CYP2R1: variants seen among roughly 807,000 people sequenced by gnomAD.
The protein encoded by CYP2R1 is vitamin D 25-hydroxylase.
In CYP2R1, 40 loss-of-function variants were observed where a neutral mutation model predicts 45.7. The ratio of observed to expected loss-of-function variants is 0.87; its 90% CI spans 0.68 to 1.14. The LOEUF is 1.14. Among genes scored for constraint, CYP2R1 ranks in the 50% most tolerant of loss-of-function variants. The pLI, the probability that CYP2R1 is intolerant of heterozygous loss-of-function variation, is 0.00. For missense variants in CYP2R1, 605 were observed against 602.6 expected (o/e 1.00, Z -0.04); for synonymous variants, 234 against 219.3 (o/e 1.07, Z -0.59).
chr11:14,883,757 A>C (rs565900508), intron 2 of CYP2R1, among the ~76,000 whole-genome samples: 2 of 152,072 alleles, frequency 1.3e-5, no homozygotes, highest in African/African-American at 2.4e-5. Context: ...AACCTACAAA[A>C]TGGGAGAAAA....
chr11:14,885,443 A>T (rs1258915688), intron 2 of CYP2R1, among the ~76,000 whole-genome samples: 1 of 152,174 alleles, frequency 6.6e-6, no homozygotes, highest in Non-Finnish European at 1.5e-5. Context: ...CAAGTACTCA[A>T]GACTAGGTTC....
intron 2 of CYP2R1, 22 bp from the exon 3 acceptor site, chr11:14,880,790 T>C: frequency 1.3e-6 from 2 of 1,592,326 alleles, no homozygotes; most frequent in Non-Finnish European, 1.7e-6. Flanking sequence ...TATTAAAATA[T>C]TGTATAATTC....
At chr11:14,880,955 ACTC>A (rs1162704563) in intron 2 of CYP2R1, among the ~76,000 whole-genome samples, 187 bp from the exon 3 acceptor site, 1 of 151,894 alleles carries the variant, frequency 6.6e-6, no homozygotes, top group Non-Finnish European at 1.5e-5. Context: ...AAGTTTTTCT[ACTC>A]CTTATCTGTG....
chr11:14,887,777 T>C (rs1555015183), intron 1 of CYP2R1: 1 of 209,400 alleles, frequency 4.8e-6, no homozygotes, highest in East Asian at 1.8e-4. Flanking sequence ...CACTGACTCA[T>C]TATCTTCTTC....
chr11:14,884,474 C>T (rs1398687606), intron 2 of CYP2R1, among the ~76,000 whole-genome samples: 4 of 139,694 alleles, frequency 2.9e-5, no homozygotes, highest in South Asian at 4.4e-4. Flanking sequence ...TAGGTGGGAA[C>T]TGAACAATGA....
intron 2 of CYP2R1, among the ~76,000 whole-genome samples, chr11:14,884,684 T>C (rs1555013750): frequency 6.6e-6 from 1 of 151,574 alleles, no homozygotes; most frequent in African/African-American, 2.4e-5. Context: ...AGTATAATAA[T>C]AATTTAAAAA....
intron 1 of CYP2R1, 118 bp downstream of exon 1, chr11:14,891,863 C>T (rs1848870963): frequency 7.1e-7 from 1 of 1,409,644 alleles, no homozygotes; most frequent in Admixed American, 2.8e-5. Context: ...GGGCAGCCGG[C>T]ACACGGAGAG....
intron 2 of CYP2R1, among the ~76,000 whole-genome samples, chr11:14,883,479 A>G (rs1460680961): frequency 6.6e-6 from 1 of 152,080 alleles, no homozygotes; most frequent in Non-Finnish European, 1.5e-5. Context: ...CTGGCTAGCC[A>G]TATGTAGAAA....
chr11:14,889,287 T>C (rs957102318), intron 1 of CYP2R1, among the ~76,000 whole-genome samples: 25 of 152,044 alleles, frequency 1.6e-4, no homozygotes, highest in African/African-American at 6.0e-4. Context: ...GGAACAATAT[T>C]CTTCAACCTC....
chr11:14,892,325 G>T, upstream of CYP2R1: 2 of 967,330 alleles, frequency 2.1e-6, no homozygotes, highest in Non-Finnish European at 3.1e-6. Flanking sequence ...GTGGCCATTG[G>T]CTGACTGAGT....
intron 1 of CYP2R1, chr11:14,886,483 GGGAACC>G (rs1332411924): frequency 1.3e-5 from 2 of 154,550 alleles, no homozygotes; most frequent in African/African-American, 4.8e-5. Flanking sequence ...AGGGCTCTAA[GGGAACC>G]TAACCTTGGA....
At chr11:14,883,378 C>A (rs186051394) in intron 2 of CYP2R1, among the ~76,000 whole-genome samples, 1 of 152,054 alleles carries the variant, frequency 6.6e-6, no homozygotes, top group Non-Finnish European at 1.5e-5. Context: ...GAAATAATGC[C>A]GCATATCTAC....
chr11:14,881,761 A>G (rs1395254191), intron 2 of CYP2R1, among the ~76,000 whole-genome samples: 3 of 152,098 alleles, frequency 2.0e-5, no homozygotes, highest in Non-Finnish European at 4.4e-5. Flanking sequence ...GCCTTCTGCC[A>G]TGATTGTGAG....
In CYP2R1 at chr11:14,880,631, T is replaced by G; in HGVS notation, c.505A>C (p.Ile169Leu). The change falls in exon 3 of 5, where the codon ATT becomes CTT. Residue 169 changes from isoleucine to leucine, a missense_variant. Transcript: ENST00000334636. The part of the protein sequence containing the change: ...LEETKFFNDA[I>L]ETYKGRPFDF... ...AAAGGTCTACCTTTGTATGTTTCAA[T>G]AGCATCATTGAAAAATTTGGTTTCT... 6.2e-7 allele frequency: 1 copy of G among 1,601,212 alleles called. No individual in the cohort carries two copies. Among genetic ancestry groups the G allele is most frequent in the South Asian group, 1.1e-5 (1 of 88,570 alleles).
chr11:14,884,727 A>C (rs572465755), intron 2 of CYP2R1, among the ~76,000 whole-genome samples: 1 of 152,006 alleles, frequency 6.6e-6, no homozygotes, highest in African/African-American at 2.4e-5. Context: ...AAAAAAACAC[A>C]TAATTTTCTA....
upstream of CYP2R1, among the ~76,000 whole-genome samples, chr11:14,892,420 C>T (rs1242523056): frequency 6.6e-6 from 1 of 152,190 alleles, no homozygotes; most frequent in Non-Finnish European, 1.5e-5. Context: ...CCGGTGCTAC[C>T]CTTTGGAGGT....
In CYP2R1 at chr11:14,879,241, A is replaced by T. The variant is rs532311704; in HGVS notation, c.1203T>A (p.Ile401=). ...GYSIPKGTTV[I]TNLYSVHFDE... ...CAAAGTGTACAGAATAAAGATTTGT[A>T]ATTACTGTTGTGCCTTTAGGAATGG... is the stretch of plus-strand genomic sequence containing the variant. Residue 401 remains isoleucine (I), a synonymous_variant, in exon 4 of 5, where the codon ATT becomes ATA. Coordinates refer to ENST00000334636, the MANE Select transcript of CYP2R1 (RefSeq NM_024514.5). 3.1e-6 allele frequency: 5 copies of T among 1,613,324 alleles called. 1 individual carries two copies. In the Admixed American group the frequency reaches 8.4e-5, roughly 27 times the overall value.
intron 1 of CYP2R1, 152 bp downstream of exon 1, chr11:14,891,829 C>T: frequency 4.2e-6 from 6 of 1,421,754 alleles, no homozygotes; most frequent in Non-Finnish European, 4.6e-6. Flanking sequence ...CCCTTCCAGA[C>T]CCGGGAAGCG....
upstream of CYP2R1, chr11:14,892,319 C>A: frequency 1.9e-6 from 2 of 1,035,330 alleles, no homozygotes; most frequent in South Asian, 1.4e-5. Context: ...AGCTCCGTGG[C>A]CATTGGCTGA....
Sources: gnomAD v4.1 joint callset for allele counts (sites outside exome capture counted in the v4.1 genomes callset) on GRCh38, gnomAD v4.1.1 for gene constraint, MANE v1.5 for transcripts, NCBI Gene and HGNC (gene_info 2026-07-23, HGNC 2026-07-21) for gene names.